UNC5D: variants seen among roughly 807,000 people sequenced by gnomAD.
UNC5D encodes unc-5 netrin receptor D.
UNC5D carries 39 observed loss-of-function variants against 105.4 expected under a neutral mutation model. The ratio of observed to expected loss-of-function variants is 0.37; its 90% CI spans 0.29 to 0.48. The LOEUF is 0.48. Among genes scored for constraint, UNC5D ranks in the 20% least tolerant of loss-of-function variants. The probability of loss-of-function intolerance (pLI) is 0.98; values close to 1 mark genes in which losing one functional copy is unlikely to be tolerated. For synonymous variants in UNC5D, 452 were observed against 450.4 expected (o/e 1.00, Z -0.04); for missense variants, 991 against 1,202.4 (o/e 0.82, Z 2.60).
At chr8:35,373,092 T>A (rs1487086354) in intron 1 of UNC5D, among the ~76,000 whole-genome samples, 1 of 152,168 alleles carries the variant, frequency 6.6e-6, no homozygotes, top group Non-Finnish European at 1.5e-5. Context: ...AACTTTGATA[T>A]CCTTTCCTGA....
At chr8:35,281,292 C>T (rs1195376544) in intron 1 of UNC5D, among the ~76,000 whole-genome samples, 1 of 152,178 alleles carries the variant, frequency 6.6e-6, no homozygotes, top group African/African-American at 2.4e-5. Context: ...ATTTTGATGA[C>T]TGTCTGCATA....
chr8:35,362,487 G>A (rs954722129), intron 1 of UNC5D, among the ~76,000 whole-genome samples: 1 of 152,088 alleles, frequency 6.6e-6, no homozygotes, highest in African/African-American at 2.4e-5. Flanking sequence ...TGTCTCACCA[G>A]GGGCAATGAA....
At chr8:35,722,546 G>A in intron 9 of UNC5D, 151 bp downstream of exon 9, 1 of 974,370 alleles carries the variant, frequency 1.0e-6, no homozygotes, top group Non-Finnish European at 1.5e-6. Context: ...AGACCGGGCT[G>A]GGTGAAGTGG....
chr8:35,323,640 C>T (rs1290290335), intron 1 of UNC5D, among the ~76,000 whole-genome samples: 2 of 152,164 alleles, frequency 1.3e-5, no homozygotes, highest in East Asian at 3.9e-4. Flanking sequence ...TTTTTACATA[C>T]TTTAATCCAG....
rs200892724 is a variant in UNC5D, at chr8:35,726,348, G to A, written c.1500G>A (p.Glu500=). The change falls in exon 10 of 17, where the codon GAG becomes GAA. Residue 500 remains glutamate (E), a synonymous_variant. Coordinates refer to ENST00000404895, the MANE Select transcript of UNC5D (RefSeq NM_080872.4). ...MVSLGVSERA[E]YHGKNHSRTF... is the part of the protein sequence containing the mutation. Reference sequence around the variant, plus strand: ...CCCTGGGAGTGTCTGAGAGAGCTGAGTACCACGGCAAGAATCATTCCAGGA... The same window carrying A: ...CCCTGGGAGTGTCTGAGAGAGCTGAATACCACGGCAAGAATCATTCCAGGA... The A allele has an allele frequency of 6.2e-7, 1 of 1,614,100 alleles. No individual in the cohort carries two copies. Among genetic ancestry groups the A allele is most frequent in the Non-Finnish European group, 8.5e-7 (1 of 1,180,016 alleles).
chr8:35,465,638 T>C (rs1265763767), intron 1 of UNC5D, among the ~76,000 whole-genome samples: 7 of 152,236 alleles, frequency 4.6e-5, no homozygotes, highest in Non-Finnish European at 1.0e-4. Context: ...ATTCTCTTAA[T>C]ATTGTCTTCT....
chr8:35,258,081 A>C (rs544697830), intron 1 of UNC5D, among the ~76,000 whole-genome samples: 1 of 152,304 alleles, frequency 6.6e-6, no homozygotes, highest in African/African-American at 2.4e-5. Flanking sequence ...AGTCCAAGAT[A>C]TCAATGTGCC....
chr8:35,350,566 C>T (rs571193565), intron 1 of UNC5D, among the ~76,000 whole-genome samples: 43 of 152,048 alleles, frequency 2.8e-4, no homozygotes, highest in Non-Finnish European at 5.4e-4. Flanking sequence ...ATTCCCTCAA[C>T]CCTCCCCACT....
chr8:35,678,113 G>A (rs970611727), intron 4 of UNC5D, among the ~76,000 whole-genome samples: 6 of 152,066 alleles, frequency 3.9e-5, no homozygotes, highest in Non-Finnish European at 8.8e-5. Flanking sequence ...GTGATTGGGG[G>A]TAGACCGTAC....
intron 1 of UNC5D, among the ~76,000 whole-genome samples, chr8:35,421,019 G>A (rs545857319): frequency 4.6e-5 from 7 of 152,202 alleles, no homozygotes; most frequent in Non-Finnish European, 7.4e-5. Flanking sequence ...GGTAGAAAAT[G>A]TCCCTTTTTC....
At chr8:35,528,041 T>G (rs76949442) in intron 1 of UNC5D, among the ~76,000 whole-genome samples, 27 of 76,856 alleles carry the variant, frequency 3.5e-4, no homozygotes, top group Non-Finnish European at 4.4e-4. Context: ...AACAGCTGGT[T>G]TTTTTTTTTT....
intron 11 of UNC5D, among the ~76,000 whole-genome samples, chr8:35,746,726 A>G (rs1397419463): frequency 6.6e-6 from 1 of 152,188 alleles, no homozygotes; most frequent in Non-Finnish European, 1.5e-5. Context: ...TTTGAACAAT[A>G]TGTTCAACAA....
At chr8:35,701,420 T>G (rs960759940) in intron 7 of UNC5D, among the ~76,000 whole-genome samples, 3 of 152,218 alleles carry the variant, frequency 2.0e-5, no homozygotes, top group African/African-American at 7.2e-5. Context: ...GTCCCAGGGA[T>G]GTGGGCTGCA....
At chr8:35,657,076 GTGTGTATATATATATATATATA>G (rs1005405081) in intron 4 of UNC5D, among the ~76,000 whole-genome samples, 3 of 94,454 alleles carry the variant, frequency 3.2e-5, no homozygotes, top group African/African-American at 1.5e-4. Flanking sequence ...GTGTGTGTGT[GTGTGTATATATATATATATATA>G]TATATATATA....
At chr8:35,640,733 T>TAAG (rs1338557815) in intron 4 of UNC5D, among the ~76,000 whole-genome samples, 2 of 152,216 alleles carry the variant, frequency 1.3e-5, no homozygotes, top group African/African-American at 4.8e-5. Flanking sequence ...GTTGTAATTT[T>TAAG]AAGTGTCATG....
chr8:35,457,357 A>G (rs1328121589), intron 1 of UNC5D, among the ~76,000 whole-genome samples: 1 of 151,946 alleles, frequency 6.6e-6, no homozygotes, highest in East Asian at 1.9e-4. Context: ...TTGATTCCTT[A>G]CCCTGTATCA....
intron 1 of UNC5D, among the ~76,000 whole-genome samples, chr8:35,534,133 C>G (rs1368697539): frequency 6.6e-6 from 1 of 152,122 alleles, no homozygotes; most frequent in Non-Finnish European, 1.5e-5. Context: ...GGAAAAAAGT[C>G]ATTTGTAGGT....
chr8:35,305,746 TTTTC>T (rs1808355801), intron 1 of UNC5D, among the ~76,000 whole-genome samples: 1 of 149,960 alleles, frequency 6.7e-6, no homozygotes, highest in South Asian at 2.1e-4. Flanking sequence ...CTTTCTCTCT[TTTTC>T]TTTCTTTCTT....
chr8:35,732,426 G>A (rs542591274), intron 11 of UNC5D, among the ~76,000 whole-genome samples: 55 of 152,200 alleles, frequency 3.6e-4, no homozygotes, highest in African/African-American at 1.3e-3. Context: ...AAGTGCTGGT[G>A]TCTAAATATC....
Sources: allele counts gnomAD v4.1 joint callset (sites outside exome capture counted in the v4.1 genomes callset), GRCh38; gene constraint gnomAD v4.1.1; transcripts MANE v1.5; gene names NCBI Gene and HGNC (gene_info 2026-07-23, HGNC 2026-07-21).